The following PAK5 variants were observed in gnomAD, a reference collection of about 807,000 sequenced individuals.
PAK5 encodes serine/threonine-protein kinase PAK 5.
PAK5 carries 16 observed loss-of-function variants against 65.9 expected under a neutral mutation model. The observed-to-expected ratio is 0.24, with a 90% confidence interval of 0.16 to 0.37. PAK5 has a LOEUF of 0.37. Ranked by LOEUF, PAK5 falls within the 10% of genes least tolerant of loss-of-function variation. PAK5 has a pLI of 1.00. For missense variants in PAK5, 785 were observed against 903.9 expected (o/e 0.87, Z 1.69); for synonymous variants, 371 against 354.9 (o/e 1.05, Z -0.51).
intron 3 of PAK5, among the ~76,000 whole-genome samples, chr20:9,608,624 C>A (rs370491049): frequency 6.6e-6 from 1 of 152,254 alleles, no homozygotes; most frequent in African/African-American, 2.4e-5. Context: ...AATATCTTCT[C>A]TGCATGAGCA....
intron 7 of PAK5, among the ~76,000 whole-genome samples, chr20:9,547,907 G>A (rs1184042291): frequency 2.0e-5 from 3 of 152,172 alleles, no homozygotes; most frequent in Admixed American, 2.0e-4. Context: ...TCACAGTTCA[G>A]TCAAGAAACA....
chr20:9,572,507 T>C (rs773949243), intron 4 of PAK5, among the ~76,000 whole-genome samples: 52 of 152,182 alleles, frequency 3.4e-4, no homozygotes, highest in Non-Finnish European at 7.4e-5. Flanking sequence ...GATTTACAAA[T>C]ACATTCTAGA....
At chr20:9,823,130 C>T (rs1265203631) in intron 1 of PAK5, among the ~76,000 whole-genome samples, 1 of 152,134 alleles carries the variant, frequency 6.6e-6, no homozygotes. Context: ...CAAGTTTATC[C>T]CTTTTTTACC....
rs1603180967 is a variant in PAK5, at chr20:9,537,656, G to C, written c.*1806C>G. The C allele has an allele frequency of 4.6e-6, 1 of 218,704 alleles. No individual in the cohort carries two copies. The highest frequency in any genetic ancestry group is 6.8e-5 in the East Asian group (1 of 14,638). The allele number at this position is 218,704 out of a possible 1,614,324, so 13.5% of individuals were successfully genotyped here. A position where few individuals can be genotyped will look rare whatever the true frequency, so the allele number is the denominator to read the frequency against. ...TTTCTTTCTACTTCTACATAGTCCT[G>C]GTTAAATTAATACAATCTGTCTCAT... On this transcript the variant is annotated 3_prime_UTR_variant, in exon 10 of 10. Coordinates refer to ENST00000353224, the MANE Select transcript of PAK5 (RefSeq NM_177990.4).
At chr20:9,833,515 T>A (rs1005914261) in intron 1 of PAK5, among the ~76,000 whole-genome samples, 1 of 132,040 alleles carries the variant, frequency 7.6e-6, no homozygotes, top group Non-Finnish European at 1.6e-5. Flanking sequence ...ACCATCAAAC[T>A]TCCCCCCACC....
intron 4 of PAK5, among the ~76,000 whole-genome samples, chr20:9,569,155 T>C (rs895678327): frequency 3.3e-5 from 5 of 152,262 alleles, no homozygotes; most frequent in Admixed American, 3.3e-4. Flanking sequence ...GCACTATTTT[T>C]TGCTTCATGA....
intron 1 of PAK5, among the ~76,000 whole-genome samples, chr20:9,771,763 G>T (rs559761132): frequency 1.3e-5 from 2 of 151,976 alleles, no homozygotes; most frequent in Non-Finnish European, 2.9e-5. Flanking sequence ...TGCCATCAAG[G>T]AACAGTGGCT....
At chr20:9,609,839 G>T (rs535996961) in intron 3 of PAK5, among the ~76,000 whole-genome samples, 3 of 152,266 alleles carry the variant, frequency 2.0e-5, no homozygotes, top group African/African-American at 4.8e-5. Context: ...CCTCAAAAAT[G>T]GTTCCAAATG....
chr20:9,614,262 G>A (rs1251134657), intron 3 of PAK5, among the ~76,000 whole-genome samples: 1 of 152,192 alleles, frequency 6.6e-6, no homozygotes, highest in Non-Finnish European at 1.5e-5. Context: ...ACTCTCTGAG[G>A]CTGAGGATAT....
At chr20:9,674,902 G>T (rs970252782) in intron 2 of PAK5, among the ~76,000 whole-genome samples, 1 of 152,198 alleles carries the variant, frequency 6.6e-6, no homozygotes, top group Non-Finnish European at 1.5e-5. Context: ...GGGTGGAGAT[G>T]CTTCCATTGG....
intron 1 of PAK5, among the ~76,000 whole-genome samples, chr20:9,720,955 A>G (rs991777200): frequency 6.6e-6 from 1 of 152,092 alleles, no homozygotes. Flanking sequence ...GGAACAGGAA[A>G]ATGAGGAGTA....
chr20:9,754,842 A>G (rs1400471810), intron 1 of PAK5, among the ~76,000 whole-genome samples: 2 of 152,204 alleles, frequency 1.3e-5, no homozygotes, highest in Non-Finnish European at 2.9e-5. Context: ...TTTCACTGTC[A>G]CAATTTTCTC....
At chr20:9,590,630 A>G (rs981374458) in intron 3 of PAK5, among the ~76,000 whole-genome samples, 3 of 152,004 alleles carry the variant, frequency 2.0e-5, no homozygotes, top group African/African-American at 4.8e-5. Context: ...AAAAAAAAAA[A>G]AAAAAGAAAT....
chr20:9,746,613 C>G (rs1333522835), intron 1 of PAK5, among the ~76,000 whole-genome samples: 2 of 152,140 alleles, frequency 1.3e-5, no homozygotes, highest in African/African-American at 4.8e-5. Flanking sequence ...TAATTATGCA[C>G]TAATTCATTA....
At chr20:9,648,916 T>C (rs1252612900) in intron 2 of PAK5, among the ~76,000 whole-genome samples, 1 of 152,136 alleles carries the variant, frequency 6.6e-6, no homozygotes, top group Non-Finnish European at 1.5e-5. Context: ...ACAAACTGTG[T>C]CACTGAGCAG....
intron 1 of PAK5, among the ~76,000 whole-genome samples, chr20:9,764,990 A>G (rs1184509296): frequency 6.6e-6 from 1 of 152,316 alleles, no homozygotes; most frequent in Admixed American, 6.5e-5. Context: ...GCAATGACCT[A>G]TGAGTGGAAT....
At chr20:9,792,107 C>A (rs6056879) in intron 1 of PAK5, among the ~76,000 whole-genome samples, 2,502 of 152,180 alleles carry the variant, frequency 0.016, 69 homozygotes, top group African/African-American at 0.049. Context: ...TTTGATCCCC[C>A]CTGCATGCAG....
At chr20:9,550,089 C>A (rs1024604435) in intron 7 of PAK5, among the ~76,000 whole-genome samples, 2 of 152,176 alleles carry the variant, frequency 1.3e-5, no homozygotes, top group East Asian at 1.9e-4. Context: ...GGAGACACGG[C>A]GCTATAGTGT....
chr20:9,580,549 A>G lies in PAK5; in HGVS notation c.586T>C (p.Ser196Pro), dbSNP rs2123014435. The part of the protein sequence containing the change: ...KPLKSDFARF[S>P]ADYHSHLDSL... ...TCCAAATGTGAGTGATAATCGGCAGAAAATCTGGCAAAATCGGATTTCAAA... is the reference window on the plus strand; with the variant it reads ...TCCAAATGTGAGTGATAATCGGCAGGAAATCTGGCAAAATCGGATTTCAAA... Residue 196 changes from serine (S) to proline (P), a missense_variant, in exon 4 of 10, where the codon TCT becomes CCT. Coordinates refer to ENST00000353224, the MANE Select transcript of PAK5 (RefSeq NM_177990.4). 1 of 1,614,178 alleles carries G rather than the reference A, an allele frequency of 6.2e-7. No individual in the cohort carries two copies. Among genetic ancestry groups the G allele is most frequent in the Non-Finnish European group, 8.5e-7 (1 of 1,180,030 alleles).
Sources: allele counts gnomAD v4.1 joint callset (sites outside exome capture counted in the v4.1 genomes callset), GRCh38; gene constraint gnomAD v4.1.1; transcripts MANE v1.5; gene names NCBI Gene and HGNC (gene_info 2026-07-23, HGNC 2026-07-21).